PLXDC1: variants seen among roughly 807,000 people sequenced by gnomAD.
The protein encoded by PLXDC1 is plexin domain-containing protein 1.
Under a neutral mutation model 61.3 loss-of-function variants are expected in PLXDC1, and 39 were observed. The observed-to-expected ratio is 0.64, with a 90% CI of 0.49 to 0.83. The LOEUF (loss-of-function observed/expected upper bound fraction) is 0.83. Among genes scored for constraint, PLXDC1 ranks in the 40% least tolerant of loss-of-function variants. PLXDC1 has a pLI of 0.00. For missense variants in PLXDC1, 596 were observed against 666.5 expected, an observed-to-expected ratio of 0.89 and a Z score of 1.17; for synonymous variants, 212 against 254.5, an observed-to-expected ratio of 0.83 and a Z score of 1.59.
At chr17:39,152,770 T>TAAA (rs34433195), upstream of PLXDC1, 12 of 644,312 alleles carry the variant, frequency 1.9e-5, no homozygotes, top group East Asian at 7.3e-5. Flanking sequence ...GCACTGAGGT[T>TAAA]AAAAAAAAAA....
chr17:39,147,240 GC>G (rs1166635106), intron 1 of PLXDC1, among the ~76,000 whole-genome samples: 1 of 152,020 alleles, frequency 6.6e-6, no homozygotes, highest in Admixed American at 6.5e-5. Context: ...ACAGGCGCGG[GC>G]CACCGCGCCC....
At position 39,063,958 on chromosome 17, in the gene PLXDC1, T is replaced by A. The variant is rs1477509953; in HGVS notation, c.*3882A>T. 1.3e-5 allele frequency: 2 copies of A among 156,514 alleles called. No individual in the cohort carries two copies. Among genetic ancestry groups the A allele is most frequent in the Admixed American group, 1.2e-4 (2 of 16,170 alleles). The allele number at this position is 156,514 out of a possible 1,614,324, so 9.7% of individuals were successfully genotyped here. A position where few individuals can be genotyped will look rare whatever the true frequency, so the allele number is the denominator to read the frequency against. ...TAGCTTTAGTGGTGAACACTTTGCT[T>A]TTTGAATAGTGTGGTTGGCTGGCAG... On this transcript the variant is annotated 3_prime_UTR_variant, in exon 14 of 14. Coordinates refer to ENST00000315392, the MANE Select transcript of PLXDC1 (RefSeq NM_020405.5).
At chr17:39,084,975 G>A (rs959765381) in intron 8 of PLXDC1, among the ~76,000 whole-genome samples, 6 of 152,216 alleles carry the variant, frequency 3.9e-5, no homozygotes, top group Non-Finnish European at 5.9e-5. Context: ...CACTCACCCA[G>A]AACAACTGTG....
chr17:39,135,696 AG>A (rs1160429322), intron 2 of PLXDC1, among the ~76,000 whole-genome samples: 5 of 151,086 alleles, frequency 3.3e-5, no homozygotes, highest in African/African-American at 7.3e-5. Context: ...AAAAAAAAAA[AG>A]TTCCCACACC....
chr17:39,107,564 A>G (rs996490622), intron 5 of PLXDC1, 39 bp from the exon 6 acceptor site: 1 of 1,441,892 alleles, frequency 6.9e-7, no homozygotes, highest in Non-Finnish European at 9.8e-7. Flanking sequence ...ACGGGAGATC[A>G]TGCAAGGAGC....
chr17:39,146,264 T>C (rs911257385), intron 1 of PLXDC1, among the ~76,000 whole-genome samples: 3 of 152,020 alleles, frequency 2.0e-5, no homozygotes, highest in Admixed American at 1.3e-4. Context: ...AGAGATGGGG[T>C]TTCACCATGT....
At chr17:39,141,876 C>T (rs1019535237) in intron 1 of PLXDC1, among the ~76,000 whole-genome samples, 1 of 152,066 alleles carries the variant, frequency 6.6e-6, no homozygotes, top group Non-Finnish European at 1.5e-5. Flanking sequence ...TATATCTCAT[C>T]GTTTTTATAA....
chr17:39,092,177 C>T lies in PLXDC1; in HGVS notation c.812-4475G>A, dbSNP rs994270729. 2.6e-5 allele frequency among the ~76,000 whole-genome samples: 4 copies of T among 151,954 alleles called. 1 individual carries two copies. The highest frequency in any genetic ancestry group is 4.2e-4 in the South Asian group (2 of 4,812). ...CACTGCAGCCTTGACCTCCCAGGCT[C>T]AGTAATCCTGCCTCAGCCTCCCAAG... is the stretch of plus-strand genomic sequence containing the variant. On this transcript the variant is annotated intron_variant, in intron 7 of 13. Transcript: ENST00000315392.
chr17:39,094,841 A>C (rs549162331), intron 7 of PLXDC1, among the ~76,000 whole-genome samples: 1 of 152,230 alleles, frequency 6.6e-6, no homozygotes, highest in Admixed American at 6.5e-5. Flanking sequence ...GAAAGACCAC[A>C]GTAAACCAGA....
intron 2 of PLXDC1, among the ~76,000 whole-genome samples, chr17:39,129,772 A>C (rs1192057615): frequency 6.5e-4 from 92 of 141,506 alleles, no homozygotes; most frequent in African/African-American, 2.3e-3. Flanking sequence ...AGAAAGAGAG[A>C]AAGAAAAAGA....
In PLXDC1 at chr17:39,108,173, T is replaced by C; in HGVS notation, c.542A>G (p.Asn181Ser). The C allele has an allele frequency of 6.2e-7, 1 of 1,614,186 alleles. No individual in the cohort carries two copies. The highest frequency in any genetic ancestry group is 8.5e-7 in the Non-Finnish European group (1 of 1,180,022). ...GTTGTCGGAGTAGCCAGGGTTGAAG[T>C]TGGCCATCAGGGGCGCCACATACTG... ...ATQYVAPLMA[N>S]FNPGYSDNST... The change falls in exon 5 of 14, where the codon AAC becomes AGC. Residue 181 changes from asparagine to serine, a missense_variant. Physicochemically the swap from Asn to Ser is conservative, Grantham distance 46. Transcript: ENST00000315392.
chr17:39,121,487 A>G (rs1282922244), intron 2 of PLXDC1, among the ~76,000 whole-genome samples: 2 of 152,142 alleles, frequency 1.3e-5, no homozygotes, highest in East Asian at 3.8e-4. Context: ...AAAGTCAATC[A>G]CTGCTAGCTT....
At chr17:39,129,172 G>T (rs1247790906) in intron 2 of PLXDC1, among the ~76,000 whole-genome samples, 1 of 151,760 alleles carries the variant, frequency 6.6e-6, no homozygotes, top group Non-Finnish European at 1.5e-5. Flanking sequence ...ACAAAAATTA[G>T]CTGGGCGTGG....
intron 13 of PLXDC1, among the ~76,000 whole-genome samples, chr17:39,068,770 G>A (rs759291378): frequency 6.6e-6 from 1 of 152,204 alleles, no homozygotes; most frequent in Non-Finnish European, 1.5e-5. Context: ...TGTTACCCAG[G>A]TAGGCTAAGA....
In PLXDC1 at chr17:39,151,237, G is replaced by T; in HGVS notation, c.76+125C>A. On this transcript the variant is annotated intron_variant, in intron 1 of 13. Coordinates refer to ENST00000315392, the MANE Select transcript of PLXDC1 (RefSeq NM_020405.5). The surrounding 1 kb of genome is among the most constrained non-coding windows in gnomAD (Gnocchi z 5.2). The stretch of plus-strand genomic sequence containing the variant: ...CCTGCCCACAGCCCACAGCTCTCCT[G>T]GCCTCCTGCGGACAATGCCCCCCTC... 1 of 665,800 alleles carries T rather than the reference G, an allele frequency of 1.5e-6. No homozygotes were observed. The highest frequency in any genetic ancestry group is 2.1e-6 in the Non-Finnish European group (1 of 469,512). 41.2% of individuals were successfully genotyped at this position (665,800 alleles called of 1,614,324 possible).
chr17:39,149,499 C>A, intron 1 of PLXDC1, among the ~76,000 whole-genome samples: 1 of 152,214 alleles, frequency 6.6e-6, no homozygotes, highest in Admixed American at 6.5e-5. Flanking sequence ...ACAGCTGCCG[C>A]CTCTGGCTTC....
intron 7 of PLXDC1, among the ~76,000 whole-genome samples, chr17:39,094,896 CTT>C (rs975183765): frequency 2.0e-5 from 3 of 152,168 alleles, no homozygotes; most frequent in African/African-American, 7.2e-5. Context: ...GGAGAGCTGG[CTT>C]TCAGGATTTC....
intron 8 of PLXDC1, among the ~76,000 whole-genome samples, chr17:39,086,321 C>T (rs1412559662): frequency 6.6e-6 from 1 of 152,144 alleles, no homozygotes; most frequent in African/African-American, 2.4e-5. Flanking sequence ...GTGTCCCAGC[C>T]CTGTGACCCC....
intron 6 of PLXDC1, among the ~76,000 whole-genome samples, chr17:39,106,386 C>T (rs1237899205): frequency 6.6e-6 from 1 of 152,124 alleles, no homozygotes; most frequent in African/African-American, 2.4e-5. Flanking sequence ...ACAACCTGTT[C>T]TCCACTCTGA....
Sources: allele counts gnomAD v4.1 joint callset (sites outside exome capture counted in the v4.1 genomes callset), GRCh38; gene constraint gnomAD v4.1.1; non-coding constraint Gnocchi (gnomAD v3.1); transcripts MANE v1.5; gene names NCBI Gene and HGNC (gene_info 2026-07-23, HGNC 2026-07-21).